The following CATSPERD variants were observed in gnomAD, a reference collection of about 807,000 sequenced individuals.
The protein encoded by CATSPERD is catsper channel auxiliary subunit delta.
In CATSPERD, 86 loss-of-function variants were observed where a neutral mutation model predicts 98.1. That is an observed-to-expected ratio of 0.88 (90% confidence interval 0.74 to 1.05). The LOEUF is 1.05. Ranked by LOEUF, CATSPERD falls within the 50% of genes least tolerant of loss-of-function variation. The probability of loss-of-function intolerance (pLI) is 0.00; values close to 1 mark genes in which losing one functional copy is unlikely to be tolerated. For missense variants in CATSPERD, 995 were observed against 1,005.7 expected (o/e 0.99, Z 0.14); for synonymous variants, 394 against 390.2 (o/e 1.01, Z -0.12).
At chr19:5,735,147 C>T (rs1476652092) in intron 5 of CATSPERD, among the ~76,000 whole-genome samples, 1 of 152,058 alleles carries the variant, frequency 6.6e-6, no homozygotes, top group Non-Finnish European at 1.5e-5. Context: ...CCTTACTTTT[C>T]TTTTTCTGGA....
chr19:5,720,720 C>A lies in CATSPERD; in HGVS notation c.-18C>A, dbSNP rs992716474. 3 of 1,604,026 alleles carry A rather than the reference C, an allele frequency of 1.9e-6. No homozygotes were observed. In the African/African-American group the frequency reaches 4.0e-5, roughly 21 times the overall value. ...CGTGGCGGTTGAGGGGCAGTGGTGG[C>A]GGCGGAAGCCCAAGTCGATGCTGAT... On this transcript the variant is annotated 5_prime_UTR_variant, in exon 1 of 22. Transcript: ENST00000381624.
At chr19:5,751,262 C>T (rs370667389) in intron 11 of CATSPERD, among the ~76,000 whole-genome samples, 2 of 132,278 alleles carry the variant, frequency 1.5e-5, no homozygotes, top group Non-Finnish European at 1.6e-5. Flanking sequence ...CGGTGGCTCA[C>T]GCCTGTAATC....
At chr19:5,726,819 G>T (rs1172616552) in intron 2 of CATSPERD, among the ~76,000 whole-genome samples, 1 of 152,128 alleles carries the variant, frequency 6.6e-6, no homozygotes, top group Non-Finnish European at 1.5e-5. Flanking sequence ...ATAGTACGAG[G>T]TCAAAACAGG....
chr19:5,735,849 C>T lies in CATSPERD; in HGVS notation c.392-1289C>T, dbSNP rs1294560135. On this transcript the variant is annotated intron_variant, in intron 5 of 21. Coordinates refer to ENST00000381624, the MANE Select transcript of CATSPERD (RefSeq NM_152784.4). ...TGGATGGCGTGCAGTGGCGCGATCTCGGCTCACTGCAAGCTCCGCCTCCTG... is the reference window on the plus strand; with the variant it reads ...TGGATGGCGTGCAGTGGCGCGATCTTGGCTCACTGCAAGCTCCGCCTCCTG... Among the ~76,000 whole-genome samples the T allele has an allele frequency of 2.7e-5, 4 of 147,536 alleles. No homozygotes were observed. The Admixed American group carries it at 2.8e-4, about 10-fold the overall frequency.
intron 5 of CATSPERD, among the ~76,000 whole-genome samples, chr19:5,736,358 C>T (rs936937124): frequency 1.3e-5 from 2 of 152,166 alleles, no homozygotes; most frequent in African/African-American, 4.8e-5. Flanking sequence ...ATAGGAAACT[C>T]CTCGCAAGTG....
Position 5,748,166 on chromosome 19 carries a change from TCG to T in CATSPERD, c.816_817del (p.Val273ArgfsTer18). The stretch of plus-strand genomic sequence containing the variant: ...CTGTCCTGTTACCTCCTAGGTCAGC[TCG>T]TCGACACCGTCCGGGTGAAAAAAGG... On this transcript the variant is annotated frameshift_variant, in exon 10 of 22. Transcript: ENST00000381624. LOFTEE classifies it high-confidence loss of function. The T allele has an allele frequency of 6.2e-7, 1 of 1,613,880 alleles. No homozygotes were observed. Among genetic ancestry groups the T allele is most frequent in the Non-Finnish European group, 8.5e-7 (1 of 1,179,900 alleles).
intron 9 of CATSPERD, among the ~76,000 whole-genome samples, chr19:5,747,169 CTTTTT>C (rs748726369): frequency 9.5e-6 from 1 of 105,764 alleles, no homozygotes; most frequent in African/African-American, 3.8e-5. Flanking sequence ...AATGGTTTCC[CTTTTT>C]TTTTTTTTTT....
intron 2 of CATSPERD, among the ~76,000 whole-genome samples, chr19:5,725,479 A>G (rs978006853): frequency 2.0e-5 from 3 of 152,110 alleles, no homozygotes; most frequent in Non-Finnish European, 2.9e-5. Context: ...ATGCATAGTA[A>G]CAGTAGAAGC....
intron 3 of CATSPERD, among the ~76,000 whole-genome samples, chr19:5,728,869 T>G (rs1194204835): frequency 6.6e-6 from 1 of 151,164 alleles, no homozygotes; most frequent in Non-Finnish European, 1.5e-5. Flanking sequence ...TGACTAATTT[T>G]TGTATTTTTA....
At chr19:5,746,999 T>C (rs534639907) in intron 9 of CATSPERD, among the ~76,000 whole-genome samples, 5 of 151,464 alleles carry the variant, frequency 3.3e-5, no homozygotes, top group African/African-American at 4.8e-5. Context: ...TGTGCCACCA[T>C]GCCTGGCTGA....
chr19:5,744,178 C>T (rs1395032181), intron 7 of CATSPERD, among the ~76,000 whole-genome samples: 1 of 152,094 alleles, frequency 6.6e-6, no homozygotes, highest in Non-Finnish European at 1.5e-5. Context: ...TGGGGTTTCA[C>T]CATGTTGACC....
intron 5 of CATSPERD, among the ~76,000 whole-genome samples, chr19:5,735,287 G>A (rs550725916): frequency 2.7e-4 from 41 of 151,992 alleles, no homozygotes; most frequent in Admixed American, 2.0e-4. Flanking sequence ...ACAGGCACCC[G>A]CCACCACGCC....
chr19:5,731,852 G>A (rs2055732170), intron 4 of CATSPERD, among the ~76,000 whole-genome samples: 2 of 152,206 alleles, frequency 1.3e-5, no homozygotes, highest in South Asian at 4.1e-4. Context: ...TGGGATTACA[G>A]GCGTGAGCCA....
chr19:5,776,037 A>G (rs1408857491), intron 20 of CATSPERD, 124 bp from the exon 21 acceptor site: 2 of 1,027,710 alleles, frequency 1.9e-6, no homozygotes, highest in South Asian at 1.6e-5. Context: ...ACTTGGCCCC[A>G]GAGTCCCACC....
chr19:5,759,066 T>C lies in CATSPERD; in HGVS notation c.1369-20T>C. 1 of 1,613,262 alleles carries C rather than the reference T, an allele frequency of 6.2e-7. No individual in the cohort carries two copies. The highest frequency in any genetic ancestry group is 8.5e-7 in the Non-Finnish European group (1 of 1,179,372). ...GGTGTTCCACGGATACACTTGGGAT[T>C]TTCTCTCTTGACCCCACAGGATATT... On this transcript the variant is annotated intron_variant, in intron 14 of 21. Coordinates refer to ENST00000381624, the MANE Select transcript of CATSPERD (RefSeq NM_152784.4).
chr19:5,761,883 GC>G (rs2056441777), intron 15 of CATSPERD, among the ~76,000 whole-genome samples: 1 of 150,254 alleles, frequency 6.7e-6, no homozygotes, highest in African/African-American at 2.4e-5. Flanking sequence ...GTGCCACCAC[GC>G]CCGGCTAATT....
rs758564079 is a variant in CATSPERD, at chr19:5,744,541, G to C, written c.657+31G>C. On this transcript the variant is annotated intron_variant, in intron 8 of 21. Coordinates refer to ENST00000381624, the MANE Select transcript of CATSPERD (RefSeq NM_152784.4). Reference sequence around the variant, plus strand: ...TAACTGCAGAGGGAAGAACTACTCAGAGGACCTTTGCCCAAGCCCAGGTTT... The same window carrying C: ...TAACTGCAGAGGGAAGAACTACTCACAGGACCTTTGCCCAAGCCCAGGTTT... The C allele has an allele frequency of 1.7e-5, 26 of 1,515,180 alleles. No homozygotes were observed. The Admixed American group carries it at 4.9e-4, about 28-fold the overall frequency. The allele number at this position is 1,515,180 out of a possible 1,614,324, so 93.9% of individuals were successfully genotyped here. A position where few individuals can be genotyped will look rare whatever the true frequency, so the allele number is the denominator to read the frequency against.
intron 17 of CATSPERD, among the ~76,000 whole-genome samples, chr19:5,767,094 G>T (rs1164345459): frequency 6.6e-6 from 1 of 151,182 alleles, no homozygotes; most frequent in Non-Finnish European, 1.5e-5. Flanking sequence ...GAGGCGGGTG[G>T]ATCACGAGGT....
At position 5,754,130 on chromosome 19, in the gene CATSPERD, A is replaced by T. The variant is rs761065017; in HGVS notation, c.1165-2A>T. 2 of 1,585,414 alleles carry T rather than the reference A, an allele frequency of 1.3e-6. No homozygotes were observed. The highest frequency in any genetic ancestry group is 2.2e-5 in the East Asian group (1 of 44,748). On this transcript the variant is annotated splice_acceptor_variant, in intron 12 of 21. Transcript: ENST00000381624. LOFTEE classifies it high-confidence loss of function. ...ATCTTTCTTCTTCGCCTTTTTAACTAGATAGAGTTTCTGACAGGAGAATTT... is the reference window on the plus strand; with the variant it reads ...ATCTTTCTTCTTCGCCTTTTTAACTTGATAGAGTTTCTGACAGGAGAATTT...
Sources: gnomAD v4.1 joint callset for allele counts (sites outside exome capture counted in the v4.1 genomes callset) on GRCh38, gnomAD v4.1.1 for gene constraint, MANE v1.5 for transcripts, NCBI Gene and HGNC (gene_info 2026-07-23, HGNC 2026-07-21) for gene names.